Variants in IHO1 observed in about 807,000 individuals in gnomAD.
The protein encoded by IHO1 is interactor of HORMAD1 1.
A neutral mutation model predicts 31.0 loss-of-function variants in IHO1; 13 were observed. The observed-to-expected ratio is 0.42, with a 90% confidence interval of 0.27 to 0.67. The LOEUF (loss-of-function observed/expected upper bound fraction) is 0.67. Ranked by LOEUF, IHO1 falls within the 30% of genes least tolerant of loss-of-function variation. The pLI, the probability that IHO1 is intolerant of heterozygous loss-of-function variation, is 0.24. For missense variants in IHO1, 599 were observed against 687.5 expected, an observed-to-expected ratio of 0.87 and a Z score of 1.44; for synonymous variants, 221 against 248.4, an observed-to-expected ratio of 0.89 and a Z score of 1.04.
chr3:49,236,551 C>G lies in IHO1; in HGVS notation c.60C>G (p.Asn20Lys), dbSNP rs1307850727. 6.2e-7 allele frequency: 1 copy of G among 1,602,990 alleles called. No individual in the cohort carries two copies. Among genetic ancestry groups the G allele is most frequent in the African/African-American group, 1.3e-5 (1 of 74,506 alleles). The change falls in exon 3 of 8, where the codon AAC becomes AAG. Residue 20 changes from asparagine (N) to lysine (K), a missense_variant. Physicochemically the swap from Asn to Lys is moderately conservative, Grantham distance 94. Coordinates refer to ENST00000452691, the MANE Select transcript of IHO1 (RefSeq NM_001135197.2). ...EMLSIPSGSGNKKSSNWNNNQ... is the reference protein window; with the variant it reads ...EMLSIPSGSGKKKSSNWNNNQ... ...ACTTTTTTTTGCTAAATTTCAGGAACAAGAAGTCATCCAACTGGAATAATA... is the reference window on the plus strand; with the variant it reads ...ACTTTTTTTTGCTAAATTTCAGGAAGAAGAAGTCATCCAACTGGAATAATA...
At chr3:49,216,906 G>A (rs573709176) in intron 2 of IHO1, among the ~76,000 whole-genome samples, 4 of 152,280 alleles carry the variant, frequency 2.6e-5, no homozygotes, top group African/African-American at 7.2e-5. Context: ...ATCACTTGTC[G>A]TCAGAGAAAT....
chr3:49,250,780 C>A (rs927443051), intron 6 of IHO1, among the ~76,000 whole-genome samples: 2 of 152,078 alleles, frequency 1.3e-5, no homozygotes, highest in African/African-American at 4.8e-5. Context: ...GCCTGTAATC[C>A]CAGCACTTTG....
intron 2 of IHO1, among the ~76,000 whole-genome samples, chr3:49,225,475 A>T (rs1443321531): frequency 6.6e-6 from 1 of 152,044 alleles, no homozygotes; most frequent in Non-Finnish European, 1.5e-5. Context: ...AAAAAAAAAA[A>T]GAAAAGTTTT....
intron 2 of IHO1, chr3:49,228,290 A>G: frequency 2.2e-6 from 1 of 448,224 alleles, no homozygotes; most frequent in South Asian, 1.6e-5. Context: ...AAGTACAGGA[A>G]AAGCAGAAGC....
chr3:49,193,915 T>C (rs1159690449), upstream of IHO1, among the ~76,000 whole-genome samples: 2 of 150,034 alleles, frequency 1.3e-5, no homozygotes, highest in Admixed American at 6.7e-5. Context: ...TGAGCCGAGA[T>C]TGTGCCACTG....
chr3:49,251,000 G>T (rs1257465486), intron 6 of IHO1, among the ~76,000 whole-genome samples: 1 of 151,488 alleles, frequency 6.6e-6, no homozygotes, highest in African/African-American at 2.4e-5. Flanking sequence ...CTCCAGCCTG[G>T]GCGACAGAGT....
chr3:49,253,743 ATTACAT>A (rs898767742), intron 6 of IHO1, among the ~76,000 whole-genome samples: 1 of 150,378 alleles, frequency 6.6e-6, no homozygotes, highest in African/African-American at 2.5e-5. Context: ...TAGAGCAGTT[ATTACAT>A]TTATAGTTAT....
rs144088509 is a variant in IHO1, at chr3:49,215,341, G to A, written c.56+3505G>A. Among the ~76,000 whole-genome samples the A allele has an allele frequency of 1.2e-4, 18 of 152,290 alleles. No individual in the cohort carries two copies. The East Asian group carries it at 2.5e-3, about 21-fold the overall frequency. The stretch of plus-strand genomic sequence containing the variant: ...GCTGGCATTACAGGCATGACTCCAT[G>A]CCTGGCCTTCATAGTTTTAAGATAT... On this transcript the variant is annotated intron_variant, in intron 2 of 7. Transcript: ENST00000452691.
intron 3 of IHO1, among the ~76,000 whole-genome samples, chr3:49,238,291 G>T (rs943337637): frequency 6.7e-6 from 1 of 149,272 alleles, no homozygotes; most frequent in Admixed American, 6.7e-5. Flanking sequence ...GTTTTGTTTT[G>T]TTTTGTTTTG....
intron 2 of IHO1, among the ~76,000 whole-genome samples, chr3:49,227,861 C>T (rs992986022): frequency 4.6e-5 from 7 of 152,150 alleles, no homozygotes; most frequent in Admixed American, 3.9e-4. Flanking sequence ...TCAGGAATAG[C>T]TTTTGTTAGG....
chr3:49,200,554 G>A (rs1021467355), intron 1 of IHO1: 4 of 977,902 alleles, frequency 4.1e-6, no homozygotes, highest in Non-Finnish European at 3.6e-6. Flanking sequence ...TGACGACGGT[G>A]GTCAGATGAG....
At chr3:49,212,024 C>T (rs2046224181) in intron 2 of IHO1, among the ~76,000 whole-genome samples, 188 bp downstream of exon 2, 1 of 151,684 alleles carries the variant, frequency 6.6e-6, no homozygotes, top group Non-Finnish European at 1.5e-5. Context: ...TTTAGCCGGG[C>T]ATGGTGGCGG....
At chr3:49,255,344 C>T (rs567640498) in intron 6 of IHO1, 46 bp from the exon 7 acceptor site, 1 of 1,351,212 alleles carries the variant, frequency 7.4e-7, no homozygotes, top group East Asian at 2.5e-5. Flanking sequence ...ATGGGACATA[C>T]CATACATAGT....
At chr3:49,200,108 T>G (rs2046033902) in intron 1 of IHO1, among the ~76,000 whole-genome samples, 1 of 152,060 alleles carries the variant, frequency 6.6e-6, no homozygotes, top group Non-Finnish European at 1.5e-5. Context: ...AGAGACCTGA[T>G]TTTTTCTGCT....
chr3:49,237,227 A>G (rs2046570709), intron 3 of IHO1, among the ~76,000 whole-genome samples: 1 of 152,136 alleles, frequency 6.6e-6, no homozygotes, highest in South Asian at 2.1e-4. Flanking sequence ...AGGCGCCTGT[A>G]ATCCCAGCTA....
chr3:49,194,829 G>A (rs1237182567), upstream of IHO1, among the ~76,000 whole-genome samples: 1 of 151,926 alleles, frequency 6.6e-6, no homozygotes, highest in Non-Finnish European at 1.5e-5. Context: ...CCGGGAGGGC[G>A]AGGCAGCAGT....
intron 2 of IHO1, among the ~76,000 whole-genome samples, chr3:49,221,887 G>T (rs1190958264): frequency 2.6e-5 from 4 of 152,220 alleles, no homozygotes; most frequent in African/African-American, 9.6e-5. Context: ...AGTTTGAAAG[G>T]CACTGTCTGA....
At chr3:49,212,612 A>T (rs1325823480) in intron 2 of IHO1, among the ~76,000 whole-genome samples, 1 of 152,078 alleles carries the variant, frequency 6.6e-6, no homozygotes, top group African/African-American at 2.4e-5. Flanking sequence ...GACTTCAAGA[A>T]TGAGGCCAAA....
chr3:49,205,525 T>C (rs2046124610), intron 1 of IHO1, among the ~76,000 whole-genome samples: 1 of 152,024 alleles, frequency 6.6e-6, no homozygotes, highest in Admixed American at 6.6e-5. Flanking sequence ...TCCACCATGT[T>C]GACCAGGCTG....
Sources: allele counts gnomAD v4.1 joint callset (sites outside exome capture counted in the v4.1 genomes callset), GRCh38; gene constraint gnomAD v4.1.1; transcripts MANE v1.5; gene names NCBI Gene and HGNC (gene_info 2026-07-23, HGNC 2026-07-21).